Variants in NUP107 observed in about 807,000 individuals in gnomAD.
NUP107 encodes nuclear pore complex protein Nup107.
In NUP107, 101 loss-of-function variants were observed where a neutral mutation model predicts 141.0. That is an observed-to-expected ratio of 0.72 (90% confidence interval 0.61 to 0.84). The LOEUF is 0.84. NUP107 is among the 40% of genes least tolerant of loss of function. The probability of loss-of-function intolerance (pLI) is 0.00; values close to 1 mark genes in which losing one functional copy is unlikely to be tolerated. For missense variants in NUP107, 941 were observed against 1,102.7 expected, an observed-to-expected ratio of 0.85 and a Z score of 2.08; for synonymous variants, 319 against 363.9, an observed-to-expected ratio of 0.88 and a Z score of 1.41.
At position 68,732,682 on chromosome 12, in the gene NUP107, C is replaced by A; in HGVS notation, c.2044C>A (p.Pro682Thr). ...IDVIDWLVFD[P>T]AQRAEALKQG... ...TGTAATTGACTGGTTGGTATTTGACCCAGCGCAGAGGGCAGAAGCACTGAA... is the reference window on the plus strand; with the variant it reads ...TGTAATTGACTGGTTGGTATTTGACACAGCGCAGAGGGCAGAAGCACTGAA... The change falls in exon 23 of 28, where the codon CCA (proline) becomes ACA (threonine). Residue 682 changes from proline to threonine, a missense_variant. By Grantham distance (38) the Pro-to-Thr change is conservative. Coordinates refer to ENST00000229179, the MANE Select transcript of NUP107 (RefSeq NM_020401.4). The A allele has an allele frequency of 6.2e-7, 1 of 1,608,402 alleles. No individual in the cohort carries two copies. Among genetic ancestry groups the A allele is most frequent in the Non-Finnish European group, 8.5e-7 (1 of 1,176,084 alleles).
intron 8 of NUP107, chr12:68,706,008 C>A: frequency 1.1e-6 from 1 of 879,536 alleles, no homozygotes. Context: ...AGTGGAGGCC[C>A]CTGCAGCGGC....
intron 20 of NUP107, among the ~76,000 whole-genome samples, chr12:68,728,285 C>CAA (rs553304592): frequency 3.6e-5 from 3 of 84,454 alleles, no homozygotes; most frequent in Non-Finnish European, 4.9e-5. Context: ...GAGACCATCT[C>CAA]AAAAAAAAAA....
In NUP107 at chr12:68,741,966, C is replaced by T; in HGVS notation, c.2656C>T (p.His886Tyr). The T allele has an allele frequency of 6.2e-7, 1 of 1,604,626 alleles. No homozygotes were observed. The highest frequency in any genetic ancestry group is 8.5e-7 in the Non-Finnish European group (1 of 1,174,596). ...AGCAGATATGGTATCCTCTGAGCGCCACAAACTGTACCTGGTAAGTTCTAG... is the reference window on the plus strand; with the variant it reads ...AGCAGATATGGTATCCTCTGAGCGCTACAAACTGTACCTGGTAAGTTCTAG... ...QLADMVSSER[H>Y]KLYLVFSKEE... is the part of the protein sequence containing the mutation. The change falls in exon 27 of 28, where the codon CAC becomes TAC. Residue 886 changes from histidine to tyrosine, a missense_variant. His to Tyr is a moderately conservative substitution (Grantham distance 83). Transcript: ENST00000229179.
Position 68,687,008 on chromosome 12 carries a change from TA to T in NUP107, c.-54del. The T allele has an allele frequency of 6.2e-7, 1 of 1,613,432 alleles. No homozygotes were observed. The highest frequency in any genetic ancestry group is 8.5e-7 in the Non-Finnish European group (1 of 1,179,336). Reference sequence around the variant, plus strand: ...GCTTGCTTCCGGAGAGCGGGAAGGCTAAAACGCGGTAGCTAAACTGCAGCCA... The same window carrying T: ...GCTTGCTTCCGGAGAGCGGGAAGGCTAAACGCGGTAGCTAAACTGCAGCCA... On this transcript the variant is annotated 5_prime_UTR_variant, in exon 1 of 28. Coordinates refer to ENST00000229179, the MANE Select transcript of NUP107 (RefSeq NM_020401.4).
At chr12:68,716,252 T>TTTTTGAGATGGGA (rs1171439779) in intron 12 of NUP107, among the ~76,000 whole-genome samples, 1 of 148,682 alleles carries the variant, frequency 6.7e-6, no homozygotes. Flanking sequence ...TTTCTTTTTT[T>TTTTTGAGATGGGA]TTTTGAGATG....
intron 6 of NUP107, among the ~76,000 whole-genome samples, chr12:68,698,823 G>A (rs1876189427): frequency 6.6e-6 from 1 of 152,132 alleles, no homozygotes; most frequent in African/African-American, 2.4e-5. Context: ...GATTTTTAAG[G>A]CAGTGAAACC....
At chr12:68,736,865 C>T (rs1878095764) in intron 26 of NUP107, among the ~76,000 whole-genome samples, 1 of 152,048 alleles carries the variant, frequency 6.6e-6, no homozygotes, top group Admixed American at 6.6e-5. Context: ...CCACACCCAG[C>T]TAATTTTTGT....
intron 10 of NUP107, among the ~76,000 whole-genome samples, chr12:68,713,416 G>A (rs1326812278): frequency 6.6e-6 from 1 of 150,500 alleles, no homozygotes; most frequent in African/African-American, 2.4e-5. Context: ...AAAATAAATG[G>A]GAGCAAGCCA....
chr12:68,731,190 T>A lies in NUP107; in HGVS notation c.1815T>A (p.Tyr605Ter). ...HLPQDLAVAQ[Y>*]ALFLESVTEF... ...CTCAAGACCTAGCTGTTGCCCAGTA[T>A]GCATTATTTTTGGAAAGTGTTACAG... The change falls in exon 21 of 28, where the codon TAT (tyrosine) becomes TAA (stop). Residue 605 changes from tyrosine (Y) to a stop codon, truncating the protein, a stop_gained. Coordinates refer to ENST00000229179, the MANE Select transcript of NUP107 (RefSeq NM_020401.4). LOFTEE classifies it high-confidence loss of function. 6.2e-7 allele frequency: 1 copy of A among 1,612,632 alleles called. No homozygotes were observed. The highest frequency in any genetic ancestry group is 8.5e-7 in the Non-Finnish European group (1 of 1,179,258).
chr12:68,739,993 G>C (rs906010032), intron 26 of NUP107: 2 of 152,064 alleles, frequency 1.3e-5, no homozygotes, highest in East Asian at 3.8e-4. Context: ...CAATTTGCTG[G>C]GTCTGTCAGC....
intron 26 of NUP107, among the ~76,000 whole-genome samples, chr12:68,740,666 A>T (rs996112466): frequency 6.6e-6 from 1 of 151,968 alleles, no homozygotes; most frequent in East Asian, 1.9e-4. Context: ...AGGAGCAGTT[A>T]TTATTTTAGC....
Position 68,736,283 on chromosome 12 carries a change from T to A in NUP107, c.2502+939T>A, listed in dbSNP as rs148250968. On this transcript the variant is annotated intron_variant, in intron 26 of 27. Transcript: ENST00000229179. ...GTACTTTTTCTTTAATTTTAGCTAT[T>A]GCATTTTTTTTTTAGCCTGTCTTCT... Among the ~76,000 whole-genome samples, 166 of 152,308 alleles carry A rather than the reference T, an allele frequency of 1.1e-3. 2 individuals carry two copies. The highest frequency in any genetic ancestry group is 3.7e-3 in the African/African-American group (154 of 41,562).
In NUP107 at chr12:68,731,587, C is replaced by T. The variant is rs759885104; in HGVS notation, c.1886-20C>T. 87 of 1,407,976 alleles carry T rather than the reference C, an allele frequency of 6.2e-5. No individual in the cohort carries two copies. Among genetic ancestry groups the T allele is most frequent in the Non-Finnish European group, 8.1e-5 (84 of 1,040,192 alleles). The allele number at this position is 1,407,976 out of a possible 1,614,324, so 87.2% of individuals were successfully genotyped here. On this transcript the variant is annotated intron_variant, in intron 21 of 27. Coordinates refer to ENST00000229179, the MANE Select transcript of NUP107 (RefSeq NM_020401.4). ...TCAATGATTAATCTTTGTTTTTTGT[C>T]GCTTCAAAAAATTATTTAGATTTGG...
intron 8 of NUP107, chr12:68,706,890 T>C: frequency 1.3e-6 from 1 of 747,858 alleles, no homozygotes; most frequent in South Asian, 1.4e-5. Context: ...TCAGGTGGTC[T>C]GAGCTCGGCC....
intron 3 of NUP107, 131 bp from the exon 4 acceptor site, chr12:68,690,500 A>C: frequency 9.0e-7 from 1 of 1,111,774 alleles, no homozygotes; most frequent in Non-Finnish European, 1.3e-6. Context: ...TAACATTTAA[A>C]GTATTTATTT....
At chr12:68,732,428 G>A (rs1877870034) in intron 22 of NUP107, 1 of 396,308 alleles carries the variant, frequency 2.5e-6, no homozygotes, top group Non-Finnish European at 4.5e-6. Context: ...GAGCCAGCAT[G>A]CCCAGCAGTA....
chr12:68,711,697 C>G (rs1876866707), intron 10 of NUP107, among the ~76,000 whole-genome samples: 1 of 152,164 alleles, frequency 6.6e-6, no homozygotes, highest in African/African-American at 2.4e-5. Flanking sequence ...GGAAAACAAA[C>G]TGGAATGACC....
At chr12:68,738,208 G>A (rs1275123400) in intron 26 of NUP107, among the ~76,000 whole-genome samples, 15 of 152,046 alleles carry the variant, frequency 9.9e-5, no homozygotes, top group Admixed American at 7.9e-4. Flanking sequence ...CCTGGGAGGC[G>A]GAGGTTGCAG....
chr12:68,708,364 C>T (rs1876693551), intron 8 of NUP107, among the ~76,000 whole-genome samples: 1 of 151,934 alleles, frequency 6.6e-6, no homozygotes, highest in Admixed American at 6.6e-5. Flanking sequence ...CTCCTTTAAC[C>T]CATGGATAAA....
Sources: allele counts gnomAD v4.1 joint callset (sites outside exome capture counted in the v4.1 genomes callset), GRCh38; gene constraint gnomAD v4.1.1; transcripts MANE v1.5; gene names NCBI Gene and HGNC (gene_info 2026-07-23, HGNC 2026-07-21).